Variants in CFAP46 observed in about 807,000 individuals in gnomAD.
The protein encoded by CFAP46 is cilia and flagella associated protein 46.
Under a neutral mutation model 325.7 loss-of-function variants are expected in CFAP46, and 245 were observed. That is an observed-to-expected ratio of 0.75 (90% CI 0.68 to 0.84). CFAP46 has a LOEUF of 0.84. Ranked by LOEUF, CFAP46 falls within the 40% of genes least tolerant of loss-of-function variation. CFAP46 has a pLI of 0.00. For missense variants in CFAP46, 3,346 were observed against 3,543.0 expected, an observed-to-expected ratio of 0.94 and a Z score of 1.41; for synonymous variants, 1,523 against 1,495.9, an observed-to-expected ratio of 1.02 and a Z score of -0.42.
intron 50 of CFAP46, among the ~76,000 whole-genome samples, chr10:132,824,399 ATG>A (rs530146770): frequency 0.019 from 1,588 of 81,518 alleles, 23 homozygotes; most frequent in Middle Eastern, 0.031. Flanking sequence ...GTGTGTGCTG[ATG>A]TGTGTTTTGT....
intron 40 of CFAP46, 109 bp from the exon 41 acceptor site, chr10:132,850,541 G>A (rs1848520974): frequency 1.8e-6 from 2 of 1,112,736 alleles, no homozygotes; most frequent in Admixed American, 3.0e-5. Flanking sequence ...TGGGAACACT[G>A]GGGAGCTCTG....
At chr10:132,916,855 G>A (rs1377034259) in intron 16 of CFAP46, among the ~76,000 whole-genome samples, 173 bp from the exon 17 acceptor site, 1 of 152,138 alleles carries the variant, frequency 6.6e-6, no homozygotes, top group Admixed American at 6.5e-5. Context: ...CCACTCCAGG[G>A]ACTAAAGCCA....
chr10:132,823,980 C>CTG (rs1318987851), intron 50 of CFAP46, among the ~76,000 whole-genome samples: 2 of 103,240 alleles, frequency 1.9e-5, no homozygotes, highest in Non-Finnish European at 1.8e-5. Context: ...CTAATGTGTG[C>CTG]TGTGTGTGCT....
chr10:132,829,521 CCTTTT>C (rs1373295444), intron 50 of CFAP46, among the ~76,000 whole-genome samples: 1 of 152,160 alleles, frequency 6.6e-6, no homozygotes, highest in Admixed American at 6.5e-5. Context: ...AGATGCTTTT[CCTTTT>C]TTCTTCCTGC....
At chr10:132,820,645 CTG>C (rs1365121481) in intron 50 of CFAP46, among the ~76,000 whole-genome samples, 2 of 125,534 alleles carry the variant, frequency 1.6e-5, no homozygotes, top group African/African-American at 3.3e-5. Context: ...CTGATGTGTG[CTG>C]TGAGTGCTGA....
At chr10:132,880,118 ATG>A (rs142292189) in intron 28 of CFAP46, among the ~76,000 whole-genome samples, 5 of 150,434 alleles carry the variant, frequency 3.3e-5, no homozygotes, top group East Asian at 2.0e-4. Flanking sequence ...GTGTGCATGT[ATG>A]TGTGTGTGTG....
At chr10:132,929,163 A>G (rs960578101) in intron 9 of CFAP46, 8 of 293,164 alleles carry the variant, frequency 2.7e-5, no homozygotes, top group African/African-American at 1.7e-4. Flanking sequence ...GGAAATCCCT[A>G]CGATAAACTT....
chr10:132,918,551 G>GA, intron 15 of CFAP46, 31 bp from the exon 16 acceptor site: 1 of 1,495,688 alleles, frequency 6.7e-7, no homozygotes, highest in Non-Finnish European at 9.0e-7. Flanking sequence ...TAAGGATCAT[G>GA]TTTTTTTCTA....
Position 132,884,117 on chromosome 10 carries a change from G to A in CFAP46, c.3627+986C>T, listed in dbSNP as rs543182638. Among the ~76,000 whole-genome samples, 222 of 152,318 alleles carry A rather than the reference G, an allele frequency of 1.5e-3. No individual in the cohort carries two copies. Among genetic ancestry groups the A allele is most frequent in the African/African-American group, 4.9e-3 (204 of 41,574 alleles). On this transcript the variant is annotated intron_variant, in intron 27 of 57. Transcript: ENST00000368586. This position sits in a 1 kb window ranked among gnomAD's most constrained non-coding sequence, Gnocchi z 5.4. ...TGGGTCCTGCCTTCCCCAGCCGCCC[G>A]CAGCCTCCCCTCCTCAGGCCCTTCC...
Position 132,880,986 on chromosome 10 carries a change from C to A in CFAP46, c.3674G>T (p.Gly1225Val). ...WQKVEYLMEF[G>V]QWLHHRHFPL... ...AAAGTGTCTGTGATGGAGCCACTGG[C>A]CGAACTCCATGAGGTACTCCACCTT... Residue 1225 changes from glycine (G) to valine (V), a missense_variant, in exon 28 of 58, where the codon GGC (glycine) becomes GTC (valine). By Grantham distance (109) the Gly-to-Val change is moderately radical. Coordinates refer to ENST00000368586, the MANE Select transcript of CFAP46 (RefSeq NM_001200049.3). 1 of 1,550,498 alleles carries A rather than the reference C, an allele frequency of 6.4e-7. No homozygotes were observed. Among genetic ancestry groups the A allele is most frequent in the Non-Finnish European group, 8.7e-7 (1 of 1,146,958 alleles).
At position 132,885,155 on chromosome 10, in the gene CFAP46, G is replaced by T; in HGVS notation, c.3575C>A (p.Pro1192Gln). The T allele has an allele frequency of 1.3e-6, 2 of 1,550,352 alleles. No homozygotes were observed. Among genetic ancestry groups the T allele is most frequent in the Non-Finnish European group, 1.7e-6 (2 of 1,146,930 alleles). ...GCAGGCCAGCTCTCCAGACACGCTC[G>T]GCGAGTTCAGGGCCAGGCGGTGCCA... ...RMWHRLALNS[P>Q]SVSGELACYN... is the part of the protein sequence containing the mutation. Residue 1192 changes from proline (P) to glutamine (Q), a missense_variant, in exon 27 of 58, where the codon CCG becomes CAG. Physicochemically the swap from Pro to Gln is moderately conservative, Grantham distance 76. Coordinates refer to ENST00000368586, the MANE Select transcript of CFAP46 (RefSeq NM_001200049.3).
At chr10:132,861,144 G>C (rs1848715944) in intron 35 of CFAP46, among the ~76,000 whole-genome samples, 162 bp from the exon 36 acceptor site, 1 of 152,154 alleles carries the variant, frequency 6.6e-6, no homozygotes, top group Non-Finnish European at 1.5e-5. Flanking sequence ...CAGTGGAAGG[G>C]TGGGGCCCAT....
chr10:132,863,727 C>T (rs1383469779), intron 35 of CFAP46, among the ~76,000 whole-genome samples: 1 of 150,726 alleles, frequency 6.6e-6, no homozygotes, highest in Non-Finnish European at 1.5e-5. Context: ...CTGCACTCAC[C>T]TGTCCCCCTT....
rs1848978898 is a variant in CFAP46, at chr10:132,877,902, C to A, written c.4191G>T (p.Glu1397Asp). ...TCACCTGCTTGGGCTCCTTGACTTT[C>A]TCCTCCTTTCCCTTCTCCTTGTCCT... ...KEKDKEKGKE[E>D]KVKEPKQSQS... The change falls in exon 30 of 58, where the codon GAG becomes GAT. Residue 1397 changes from glutamate to aspartate, a missense_variant. Transcript: ENST00000368586. The surrounding 1 kb of genome is among the most constrained non-coding windows in gnomAD (Gnocchi z 5.7). The A allele has an allele frequency of 6.5e-7, 1 of 1,548,952 alleles. No individual in the cohort carries two copies. Among genetic ancestry groups the A allele is most frequent in the Non-Finnish European group, 8.7e-7 (1 of 1,146,032 alleles).
At chr10:132,821,250 G>C (rs537409106) in intron 50 of CFAP46, among the ~76,000 whole-genome samples, 147 of 137,332 alleles carry the variant, frequency 1.1e-3, no homozygotes, top group African/African-American at 4.1e-3. Context: ...CTGTGTGTGT[G>C]CTGTGTGAGC....
intron 6 of CFAP46, chr10:132,937,302 G>A (rs552923121): frequency 4.9e-5 from 27 of 551,438 alleles, no homozygotes; most frequent in African/African-American, 4.8e-4. Flanking sequence ...CTATTACAAA[G>A]GAAATATTTA....
chr10:132,815,308 TG>T (rs1847672089), intron 50 of CFAP46, among the ~76,000 whole-genome samples: 1 of 152,214 alleles, frequency 6.6e-6, no homozygotes, highest in South Asian at 2.1e-4. Context: ...TAGATAGTCA[TG>T]TGCCTGGGAA....
intron 41 of CFAP46, among the ~76,000 whole-genome samples, chr10:132,849,356 A>C (rs375292573): frequency 2.6e-5 from 4 of 152,228 alleles, no homozygotes; most frequent in African/African-American, 9.6e-5. Context: ...TTCAGGGCCG[A>C]CCCAGGGCTG....
intron 35 of CFAP46, among the ~76,000 whole-genome samples, chr10:132,861,292 G>GT (rs1172518334): frequency 3.3e-5 from 5 of 152,322 alleles, no homozygotes; most frequent in African/African-American, 1.2e-4. Context: ...GCGCATGACT[G>GT]TATCTCATTC....
Sources: gnomAD v4.1 joint callset for allele counts (sites outside exome capture counted in the v4.1 genomes callset) on GRCh38, gnomAD v4.1.1 for gene constraint, Gnocchi (gnomAD v3.1) non-coding constraint, MANE v1.5 for transcripts, NCBI Gene and HGNC (gene_info 2026-07-23, HGNC 2026-07-21) for gene names.